The following ZSCAN5A variants were observed in gnomAD, a reference collection of about 807,000 sequenced individuals.
ZSCAN5A encodes zinc finger and SCAN domain containing 5A, also known as zinc finger and SCAN domain-containing protein 5A.
ZSCAN5A carries 12 observed loss-of-function variants against 23.7 expected under a neutral mutation model. That is an observed-to-expected ratio of 0.51 (90% CI 0.32 to 0.82). The LOEUF is 0.82. Ranked by LOEUF, ZSCAN5A falls within the 40% of genes least tolerant of loss-of-function variation. The probability of loss-of-function intolerance (pLI) is 0.03; values close to 1 mark genes in which losing one functional copy is unlikely to be tolerated. For synonymous variants in ZSCAN5A, 257 were observed against 239.9 expected (o/e 1.07, Z -0.66); for missense variants, 597 against 617.9 (o/e 0.97, Z 0.36).
chr19:56,260,979 G>T (rs551051843), intron 2 of ZSCAN5A, among the ~76,000 whole-genome samples: 1 of 152,044 alleles, frequency 6.6e-6, no homozygotes, highest in Admixed American at 6.5e-5. Flanking sequence ...AGGCCGAGGC[G>T]GGTGGATCAT....
At chr19:56,256,679 T>C (rs1376911277) in intron 2 of ZSCAN5A, among the ~76,000 whole-genome samples, 1 of 152,228 alleles carries the variant, frequency 6.6e-6, no homozygotes, top group African/African-American at 2.4e-5. Flanking sequence ...TCAAATTTCA[T>C]ATCATTCTGG....
intron 2 of ZSCAN5A, among the ~76,000 whole-genome samples, chr19:56,231,356 A>G (rs1468508475): frequency 6.6e-6 from 1 of 152,216 alleles, no homozygotes; most frequent in African/African-American, 2.4e-5. Flanking sequence ...ATGTGTATGT[A>G]CCATTTTTAT....
intron 2 of ZSCAN5A, chr19:56,245,142 C>G (rs1243391850): frequency 5.4e-5 from 24 of 441,032 alleles, no homozygotes; most frequent in Non-Finnish European, 9.2e-5. Flanking sequence ...AAAGTGTGAG[C>G]ATTATGGCAG....
At chr19:56,310,654 G>A (rs1024079599) in intron 2 of ZSCAN5A, among the ~76,000 whole-genome samples, 5 of 152,172 alleles carry the variant, frequency 3.3e-5, no homozygotes, top group African/African-American at 7.2e-5. Flanking sequence ...TCCAAAGTCC[G>A]TATTCTTTTG....
At chr19:56,362,857 T>A (rs1405319131) in intron 2 of ZSCAN5A, among the ~76,000 whole-genome samples, 16 of 142,552 alleles carry the variant, frequency 1.1e-4, no homozygotes, top group African/African-American at 3.9e-4. Flanking sequence ...GGCGACAGAG[T>A]GAGACTCTGC....
chr19:56,242,527 T>C (rs1414855102), intron 2 of ZSCAN5A, among the ~76,000 whole-genome samples: 1 of 152,202 alleles, frequency 6.6e-6, no homozygotes, highest in Non-Finnish European at 1.5e-5. Flanking sequence ...CTGTACTTGC[T>C]CAGATTCCTT....
intron 2 of ZSCAN5A, among the ~76,000 whole-genome samples, chr19:56,252,659 C>T (rs369701886): frequency 2.0e-5 from 3 of 152,318 alleles, no homozygotes; most frequent in African/African-American, 7.2e-5. Flanking sequence ...AAGAAACAAA[C>T]ATCAAACATG....
At chr19:56,275,214 G>T (rs1355872320) in intron 2 of ZSCAN5A, among the ~76,000 whole-genome samples, 1 of 152,082 alleles carries the variant, frequency 6.6e-6, no homozygotes, top group African/African-American at 2.4e-5. Flanking sequence ...GAGGCTATGC[G>T]AATACCCTGT....
At chr19:56,244,152 A>C (rs1228692972) in intron 2 of ZSCAN5A, 1 of 1,605,210 alleles carries the variant, frequency 6.2e-7, no homozygotes, top group Non-Finnish European at 8.5e-7. Flanking sequence ...GGAAATCATG[A>C]CTGGGACCCT....
chr19:56,299,511 C>T (rs1055256376), intron 2 of ZSCAN5A, among the ~76,000 whole-genome samples: 1 of 151,962 alleles, frequency 6.6e-6, no homozygotes, highest in Non-Finnish European at 1.5e-5. Context: ...GGAATAGCCA[C>T]CAAAAACTTA....
At chr19:56,320,873 A>G (rs2041368405) in intron 2 of ZSCAN5A, 2 of 768,846 alleles carry the variant, frequency 2.6e-6, no homozygotes, top group African/African-American at 3.4e-5. Flanking sequence ...GACAAGCTTC[A>G]TGTAGAGTGT....
At chr19:56,291,465 C>T (rs553532892) in intron 2 of ZSCAN5A, among the ~76,000 whole-genome samples, 2 of 152,258 alleles carry the variant, frequency 1.3e-5, no homozygotes, top group South Asian at 4.2e-4. Context: ...CTTTATTTCT[C>T]TTTTTTGGGA....
Position 56,343,467 on chromosome 19 carries a change from T to C in ZSCAN5A, c.-358+19768A>G, listed in dbSNP as rs965429044. 15 of 462,744 alleles carry C rather than the reference T, an allele frequency of 3.2e-5. No individual in the cohort carries two copies. The East Asian group carries it at 9.6e-4, about 30-fold the overall frequency. 28.7% of individuals were successfully genotyped at this position (462,744 alleles called of 1,614,324 possible). A position where few individuals can be genotyped will look rare whatever the true frequency, so the allele number is the denominator to read the frequency against. ...AGTTTCTTCCTGGGCTACCAAGGGC[T>C]ACCAAGAAGCTTCAGCAAATAGCCC... On this transcript the variant is annotated intron_variant, in intron 2 of 6. Coordinates refer to the ZSCAN5A transcript ENST00000587340.
rs1177281398 is a variant in ZSCAN5A at position 56,351,152 on chromosome 19, G to T, written c.-358+12083C>A. Among the ~76,000 whole-genome samples, 1 of 152,078 alleles carries T rather than the reference G, an allele frequency of 6.6e-6. No homozygotes were observed. Among genetic ancestry groups the T allele is most frequent in the Non-Finnish European group, 1.5e-5 (1 of 68,020 alleles). On this transcript the variant is annotated intron_variant, in intron 2 of 6. Coordinates refer to the ZSCAN5A transcript ENST00000587340. The surrounding 1 kb of genome is among the most constrained non-coding windows in gnomAD (Gnocchi z 4.8). ...CATACAGTAAGGGTAAAGGTTCTTG[G>T]TGAAAATTTTCCTGTAATAAGAAAT... is the stretch of plus-strand genomic sequence containing the variant.
chr19:56,342,454 C>G (rs564563257), intron 2 of ZSCAN5A: 110 of 389,654 alleles, frequency 2.8e-4, no homozygotes, highest in African/African-American at 2.2e-3. Context: ...GGGTTAAGCT[C>G]TGGAGAATTT....
chr19:56,242,741 C>T (rs1157171117), intron 2 of ZSCAN5A, among the ~76,000 whole-genome samples: 3 of 152,030 alleles, frequency 2.0e-5, no homozygotes, highest in Non-Finnish European at 4.4e-5. Flanking sequence ...CCTAATGAAA[C>T]TACATTTAGA....
chr19:56,307,381 A>G (rs2040761437), intron 2 of ZSCAN5A, among the ~76,000 whole-genome samples: 1 of 152,232 alleles, frequency 6.6e-6, no homozygotes, highest in Non-Finnish European at 1.5e-5. Context: ...CAAACTTTAA[A>G]AGAAAGAAAA....
At chr19:56,265,357 C>T (rs1433615078) in intron 2 of ZSCAN5A, among the ~76,000 whole-genome samples, 1 of 148,160 alleles carries the variant, frequency 6.7e-6, no homozygotes, top group Non-Finnish European at 1.5e-5. Context: ...AATTGAGCAT[C>T]TAGTATGCAC....
intron 2 of ZSCAN5A, among the ~76,000 whole-genome samples, chr19:56,267,535 G>A (rs1408294815): frequency 1.3e-5 from 2 of 152,278 alleles, no homozygotes; most frequent in African/African-American, 2.4e-5. Context: ...TTGCATTAGC[G>A]TCACCTCAAG....
Sources: gnomAD v4.1 joint callset for allele counts (sites outside exome capture counted in the v4.1 genomes callset) on GRCh38, gnomAD v4.1.1 for gene constraint, Gnocchi (gnomAD v3.1) non-coding constraint, MANE v1.5 for transcripts, NCBI Gene and HGNC (gene_info 2026-07-23, HGNC 2026-07-21) for gene names.